ACLY: variants seen among roughly 807,000 people sequenced by gnomAD.
The protein encoded by ACLY is ATP citrate lyase.
A neutral mutation model predicts 133.0 loss-of-function variants in ACLY; 41 were observed. That is an observed-to-expected ratio of 0.31 (90% confidence interval 0.24 to 0.40). ACLY has a LOEUF of 0.40. ACLY is among the 10% of genes least tolerant of loss of function. The probability of loss-of-function intolerance (pLI) is 1.00; values close to 1 mark genes in which losing one functional copy is unlikely to be tolerated. For missense variants in ACLY, 1,046 were observed against 1,453.8 expected (o/e 0.72, Z 4.56); for synonymous variants, 495 against 549.3 (o/e 0.90, Z 1.38).
chr17:41,928,800 C>A (rs1346098550), intron 1 of ACLY, among the ~76,000 whole-genome samples: 1 of 150,850 alleles, frequency 6.6e-6, no homozygotes, highest in Non-Finnish European at 1.5e-5. Context: ...TTGCAGTGAG[C>A]CGAGATCACA....
intron 23 of ACLY, 142 bp from the exon 24 acceptor site, chr17:41,872,324 A>C: frequency 1.3e-6 from 1 of 744,432 alleles, no homozygotes; most frequent in Non-Finnish European, 2.2e-6. Context: ...TCTAAGGCAA[A>C]ACCTCCTGAT....
chr17:41,869,577 G>A lies in ACLY; in HGVS notation c.2948C>T (p.Pro983Leu), dbSNP rs2048547459. ...TTTGAGGATCTGCACTCGCATGTCT[G>A]GGTTGTTTATCTAGAAATGAACCCA... ...IGHRVKSINN[P>L]DMRVQILKDY... Residue 983 changes from proline to leucine, a missense_variant, in exon 26 of 29, where the codon CCA becomes CTA. Pro to Leu is a moderately conservative substitution (Grantham distance 98). Around this residue, in one of 4 missense-constraint regions of ACLY, gnomAD observed 205 missense variants for 373.3 expected, o/e 0.55. Transcript: ENST00000352035. 6.2e-7 allele frequency: 1 copy of A among 1,613,860 alleles called. No individual in the cohort carries two copies. Among genetic ancestry groups the A allele is most frequent in the Non-Finnish European group, 8.5e-7 (1 of 1,179,900 alleles).
Position 41,913,897 on chromosome 17 carries a change from C to T in ACLY, c.-23-1G>A. 6.2e-7 allele frequency: 1 copy of T among 1,613,970 alleles called. No homozygotes were observed. The highest frequency in any genetic ancestry group is 8.5e-7 in the Non-Finnish European group (1 of 1,179,856). On this transcript the variant is annotated splice_acceptor_variant, in intron 1 of 28. Coordinates refer to ENST00000352035, the MANE Select transcript of ACLY (RefSeq NM_001096.3). LOFTEE classifies it low-confidence loss of function (5UTR_SPLICE). ...ATGGCTGCAGAGAGACCTGCTCTAC[C>T]TGTCTGGGAGAGAGAAGCTGGTCAG...
chr17:41,893,031 A>C lies in ACLY; in HGVS notation c.1601+2T>G. On this transcript the variant is annotated splice_donor_variant, in intron 15 of 28. Coordinates refer to ENST00000352035, the MANE Select transcript of ACLY (RefSeq NM_001096.3). LOFTEE classifies it high-confidence loss of function. The stretch of plus-strand genomic sequence containing the variant: ...GATATTTCCCGCCATGGGGTAACTC[A>C]CGTGAAAGGGTAGACCATGGCAGCC... The C allele has an allele frequency of 6.2e-7, 1 of 1,612,388 alleles. No homozygotes were observed. Among genetic ancestry groups the C allele is most frequent in the Non-Finnish European group, 8.5e-7 (1 of 1,179,044 alleles).
chr17:41,912,469 A>G lies in ACLY; in HGVS notation c.233T>C (p.Leu78Pro). The G allele has an allele frequency of 6.2e-7, 1 of 1,614,254 alleles. No individual in the cohort carries two copies. The highest frequency in any genetic ancestry group is 8.5e-7 in the Non-Finnish European group (1 of 1,180,032). The change falls in exon 3 of 29, where the codon CTG (leucine) becomes CCG (proline). Residue 78 changes from leucine to proline, a missense_variant. Leu to Pro is a moderately conservative substitution (Grantham distance 98, BLOSUM62 -3). Around this residue, in one of 4 missense-constraint regions of ACLY, gnomAD observed 227 missense variants for 245.6 expected, o/e 0.92. Coordinates refer to ENST00000352035, the MANE Select transcript of ACLY (RefSeq NM_001096.3). ...CTTCAGCCAGGACTTGACCCCATCC[A>G]GAGTGAGGTTGACCCCAACGAGACC... ...KLGLVGVNLT[L>P]DGVKSWLKPR...
intron 4 of ACLY, among the ~76,000 whole-genome samples, 179 bp from the exon 5 acceptor site, chr17:41,909,879 C>T (rs564026336): frequency 3.3e-5 from 5 of 152,306 alleles, no homozygotes; most frequent in South Asian, 2.1e-4. Flanking sequence ...ATCTTTTCCC[C>T]GAGGACAAGA....
chr17:41,878,002 G>A, intron 22 of ACLY, 101 bp downstream of exon 22: 1 of 623,894 alleles, frequency 1.6e-6, no homozygotes, highest in East Asian at 3.4e-5. Context: ...AATACAGAAG[G>A]CCTGGTTTCC....
Position 41,899,898 on chromosome 17 carries a change from G to A in ACLY, c.1184-1113C>T, listed in dbSNP as rs1338751495. Reference sequence around the variant, plus strand: ...GTCTACAAAAAAATTAGCCAGGTGTGTGCTAATTTTTTGTACAAAAATTGT... The same window carrying A: ...GTCTACAAAAAAATTAGCCAGGTGTATGCTAATTTTTTGTACAAAAATTGT... On this transcript the variant is annotated intron_variant, in intron 11 of 28. Coordinates refer to ENST00000352035, the MANE Select transcript of ACLY (RefSeq NM_001096.3). Among the ~76,000 whole-genome samples, 6 of 151,452 alleles carry A rather than the reference G, an allele frequency of 4.0e-5. No homozygotes were observed. In the East Asian group the frequency reaches 1.2e-3, roughly 29 times the overall value.
At chr17:41,879,153 A>G (rs1011328548) in intron 20 of ACLY, among the ~76,000 whole-genome samples, 2 of 152,116 alleles carry the variant, frequency 1.3e-5, no homozygotes, top group African/African-American at 4.8e-5. Context: ...AAGTCAGGAT[A>G]CAAAGACTGG....
chr17:41,912,389 AC>A, intron 3 of ACLY, 30 bp downstream of exon 3: 1 of 1,607,956 alleles, frequency 6.2e-7, no homozygotes, highest in South Asian at 1.1e-5. Flanking sequence ...CTGTTACCAC[AC>A]ACGTTCATCC....
chr17:41,919,792 G>A (rs1172202197), upstream of ACLY, among the ~76,000 whole-genome samples: 1 of 152,230 alleles, frequency 6.6e-6, no homozygotes, highest in Non-Finnish European at 1.5e-5. Flanking sequence ...TCCATTACCT[G>A]AGACAGATCG....
intron 25 of ACLY, chr17:41,870,748 A>G (rs1336951534): frequency 6.6e-6 from 1 of 152,170 alleles, no homozygotes; most frequent in African/African-American, 2.4e-5. Flanking sequence ...ATGCCTTGAT[A>G]TTGTCACTCT....
rs781827824 is a variant in ACLY at position 41,909,689 on chromosome 17, G to C, written c.357C>G (p.Phe119Leu). 2 of 1,613,972 alleles carry C rather than the reference G, an allele frequency of 1.2e-6. No homozygotes were observed. ...PFVPHSQAEEFYVCIYATREG... is the reference protein window; with the variant it reads ...PFVPHSQAEELYVCIYATREG... The stretch of plus-strand genomic sequence containing the variant: ...CTCGGGTGGCATAGATGCAGACATA[G>C]AACTCCTCAGCCTTGCAGGTGAAGA... Residue 119 changes from phenylalanine to leucine, a missense_variant, in exon 5 of 29, where the codon TTC (phenylalanine) becomes TTG (leucine). By Grantham distance (22) the Phe-to-Leu change is conservative. Transcript: ENST00000352035.
upstream of ACLY, among the ~76,000 whole-genome samples, chr17:41,919,498 T>A (rs1378149220): frequency 6.6e-6 from 1 of 152,212 alleles, no homozygotes; most frequent in Non-Finnish European, 1.5e-5. Flanking sequence ...CTCTCCTCCC[T>A]GGACTCTCCC....
At chr17:41,886,848 G>C (rs2049059392) in intron 17 of ACLY, among the ~76,000 whole-genome samples, 1 of 152,062 alleles carries the variant, frequency 6.6e-6, no homozygotes, top group Admixed American at 6.6e-5. Context: ...TTTCAGCCAG[G>C]CATGGTGGCT....
At chr17:41,869,680 AT>A in intron 25 of ACLY, 93 bp from the exon 26 acceptor site, 1 of 1,074,694 alleles carries the variant, frequency 9.3e-7, no homozygotes, top group South Asian at 1.4e-5. Flanking sequence ...AACTGGACAT[AT>A]CCCAGCGGCG....
intron 13 of ACLY, 106 bp from the exon 14 acceptor site, chr17:41,896,755 G>A (rs2049379325): frequency 7.6e-6 from 8 of 1,058,956 alleles, no homozygotes; most frequent in Non-Finnish European, 1.1e-5. Context: ...GCCTTTCAGG[G>A]CTAAAGCCCT....
chr17:41,896,746 C>A (rs41280074), intron 13 of ACLY, 97 bp from the exon 14 acceptor site: 13 of 1,142,192 alleles, frequency 1.1e-5, no homozygotes, highest in Middle Eastern at 2.1e-4. Flanking sequence ...CATGGACAAG[C>A]CTTTCAGGGC....
chr17:41,898,681 T>G lies in ACLY; in HGVS notation c.1288A>C (p.Thr430Pro). The G allele has an allele frequency of 1.2e-6, 2 of 1,613,822 alleles. No homozygotes were observed. Among genetic ancestry groups the G allele is most frequent in the Non-Finnish European group, 1.7e-6 (2 of 1,179,894 alleles). Residue 430 changes from threonine (T) to proline (P), a missense_variant, in exon 12 of 29, where the codon ACA becomes CCA. Physicochemically the swap from Thr to Pro is conservative, Grantham distance 38. Around this residue, in one of 4 missense-constraint regions of ACLY, gnomAD observed 575 missense variants for 804.2 expected, o/e 0.71. Transcript: ENST00000352035. ...AGGAAGTTTGCAGTGTGGGCCGCTG[T>G]GGGTGGCTGGTTGGGGATGGGCCGG... is the stretch of plus-strand genomic sequence containing the variant. The part of the protein sequence containing the change: ...GHRPIPNQPP[T>P]AAHTANFLLN...
Sources: allele counts gnomAD v4.1 joint callset (sites outside exome capture counted in the v4.1 genomes callset), GRCh38; gene constraint gnomAD v4.1.1; regional missense constraint gnomAD v4.1.1; transcripts MANE v1.5; gene names NCBI Gene and HGNC (gene_info 2026-07-23, HGNC 2026-07-21).